The following NAV2 variants were observed in gnomAD, a reference collection of about 807,000 sequenced individuals.
NAV2 encodes helicase, APC down-regulated 1.
NAV2 carries 54 observed loss-of-function variants against 223.2 expected under a neutral mutation model. The ratio of observed to expected loss-of-function variants is 0.24; its 90% CI spans 0.19 to 0.30. The LOEUF is 0.30. NAV2 is among the 10% of genes least tolerant of loss of function. The probability of loss-of-function intolerance (pLI) is 1.00; values close to 1 mark genes in which losing one functional copy is unlikely to be tolerated. For synonymous variants in NAV2, 1,279 were observed against 1,239.3 expected (o/e 1.03, Z -0.67); for missense variants, 2,806 against 3,147.5 (o/e 0.89, Z 2.60).
chr11:19,905,108 C>G (rs1320940379), intron 6 of NAV2, among the ~76,000 whole-genome samples: 1 of 152,138 alleles, frequency 6.6e-6, no homozygotes, highest in African/African-American at 2.4e-5. Context: ...TACTTGTACT[C>G]TAGGATTCAT....
At chr11:20,095,854 C>T in intron 30 of NAV2, 87 bp downstream of exon 30, 1 of 966,352 alleles carries the variant, frequency 1.0e-6, no homozygotes, top group South Asian at 1.3e-5. Context: ...ATGTCCTGAG[C>T]TTGGCCATTT....
intron 32 of NAV2, 87 bp downstream of exon 32, chr11:20,101,259 T>C: frequency 9.4e-7 from 1 of 1,062,892 alleles, no homozygotes; most frequent in South Asian, 1.5e-5. Flanking sequence ...AAGCAGCATT[T>C]CCTATCAACA....
At chr11:19,752,296 A>G (rs1171334500) in intron 1 of NAV2, among the ~76,000 whole-genome samples, 2 of 152,174 alleles carry the variant, frequency 1.3e-5, no homozygotes, top group East Asian at 1.9e-4. Context: ...GTACCTGTGC[A>G]CTTATTTTCA....
At chr11:20,040,519 C>T (rs1591793440) in intron 12 of NAV2, among the ~76,000 whole-genome samples, 1 of 152,214 alleles carries the variant, frequency 6.6e-6, no homozygotes, top group East Asian at 1.9e-4. Flanking sequence ...GTGGCAGCAC[C>T]GAACACTTGA....
chr11:19,777,101 C>T (rs1458366269), intron 1 of NAV2, among the ~76,000 whole-genome samples: 1 of 150,706 alleles, frequency 6.6e-6, no homozygotes, highest in Non-Finnish European at 1.5e-5. Flanking sequence ...CGACCCCCCC[C>T]CCCACCCCGC....
rs564431665 is a variant in NAV2 at position 19,604,138 on chromosome 11, T to C, written c.76-228346T>C. 2.2e-4 allele frequency among the ~76,000 whole-genome samples: 33 copies of C among 152,228 alleles called. 1 individual carries two copies. The South Asian group carries it at 6.2e-3, about 29-fold the overall frequency. ...ACTTTGGCTTTTACTGTGAGTGAGA[T>C]AGGGGGCTTTGGAGGGTTTTAAGCA... On this transcript the variant is annotated intron_variant, in intron 1 of 37. Transcript: ENST00000360655.
At chr11:20,059,562 G>T (rs1384800162) in intron 19 of NAV2, among the ~76,000 whole-genome samples, 2 of 151,888 alleles carry the variant, frequency 1.3e-5, no homozygotes, top group African/African-American at 4.8e-5. Flanking sequence ...CATTCTAAAA[G>T]ACACCAAAAG....
chr11:20,067,427 C>CA (rs1487193979), intron 20 of NAV2, among the ~76,000 whole-genome samples: 2 of 152,044 alleles, frequency 1.3e-5, no homozygotes, highest in Non-Finnish European at 2.9e-5. Context: ...AGATTAACAA[C>CA]AAAATTTTTT....
chr11:20,020,758 A>G (rs983380370), intron 11 of NAV2, among the ~76,000 whole-genome samples: 3 of 152,096 alleles, frequency 2.0e-5, no homozygotes, highest in Admixed American at 6.5e-5. Flanking sequence ...TAAACCTCCA[A>G]TGTATCCTCT....
At chr11:19,625,863 C>G (rs145291066) in intron 1 of NAV2, among the ~76,000 whole-genome samples, 235 of 152,042 alleles carry the variant, frequency 1.5e-3, no homozygotes, top group African/African-American at 5.4e-3. Context: ...TGAGAAATGT[C>G]TGTCCAGATC....
chr11:19,994,847 G>A (rs1002500945), intron 11 of NAV2, among the ~76,000 whole-genome samples: 7 of 152,188 alleles, frequency 4.6e-5, no homozygotes, highest in South Asian at 4.1e-4. Flanking sequence ...CAATGTCAAG[G>A]TTGGGTTTGT....
At position 20,045,082 on chromosome 11, in the gene NAV2, C is replaced by T; in HGVS notation, c.3314C>T (p.Pro1105Leu). The T allele has an allele frequency of 1.2e-6, 2 of 1,614,152 alleles. No homozygotes were observed. Among genetic ancestry groups the T allele is most frequent in the Non-Finnish European group, 8.5e-7 (1 of 1,180,016 alleles). Residue 1105 changes from proline (P) to leucine (L), a missense_variant, in exon 14 of 38, where the codon CCC becomes CTC. By Grantham distance (98) the Pro-to-Leu change is moderately conservative. This residue lies in a region of NAV2 where 742 missense variants were observed against 777.9 expected (regional missense o/e 0.95). Coordinates refer to ENST00000349880, the MANE Select transcript of NAV2 (RefSeq NM_145117.5). ...GRSSGDESKK[P>L]LPSSSRTPTA... ...AGCAGTGGTGACGAATCCAAAAAGC[C>T]CCTCCCCAGCAGCTCTAGGACACCT...
chr11:20,057,089 T>C (rs2058408456), intron 19 of NAV2, among the ~76,000 whole-genome samples: 2 of 152,138 alleles, frequency 1.3e-5, no homozygotes, highest in African/African-American at 2.4e-5. Context: ...TGTCCCTTTG[T>C]TGCCATTGAA....
At chr11:19,711,132 T>C (rs2049853435), upstream of NAV2, 1 of 152,214 alleles carries the variant, frequency 6.6e-6, no homozygotes, top group Admixed American at 6.5e-5. Context: ...GACAGGGCCG[T>C]GCATTTCAGC....
chr11:19,984,176 C>T lies in NAV2; in HGVS notation c.2697C>T (p.Leu899=). The T allele has an allele frequency of 6.2e-7, 1 of 1,614,158 alleles. No individual in the cohort carries two copies. The highest frequency in any genetic ancestry group is 1.1e-5 in the South Asian group (1 of 91,072). ...LGLYTRRLNR[L]PDGMAVVRET... ...TCTATACCCGTCGCCTGAACCGGCTCCCTGATGGGATGGCTGTGGTACGGG... is the reference window on the plus strand; with the variant it reads ...TCTATACCCGTCGCCTGAACCGGCTTCCTGATGGGATGGCTGTGGTACGGG... The change falls in exon 11 of 38, where the codon CTC becomes CTT. Residue 899 remains leucine, a synonymous_variant. Coordinates refer to ENST00000349880, the MANE Select transcript of NAV2 (RefSeq NM_145117.5).
At chr11:19,819,464 A>T (rs548725193) in intron 1 of NAV2, among the ~76,000 whole-genome samples, 2 of 152,254 alleles carry the variant, frequency 1.3e-5, no homozygotes, top group South Asian at 4.1e-4. Flanking sequence ...CTGAACTCCC[A>T]GTTCACACAG....
At chr11:19,695,887 T>TAATAA (rs10522565) in intron 1 of NAV2, among the ~76,000 whole-genome samples, 1,872 of 52,860 alleles carry the variant, frequency 0.035, 47 homozygotes, top group Middle Eastern at 0.081. Context: ...CTGGATGAAA[T>TAATAA]AATAAAATAA....
At chr11:20,105,265 T>A in intron 34 of NAV2, 1 of 356,054 alleles carries the variant, frequency 2.8e-6, no homozygotes, top group Non-Finnish European at 5.1e-6. Flanking sequence ...AGCTGTTTGA[T>A]CCTGGAAAAG....
intron 1 of NAV2, among the ~76,000 whole-genome samples, chr11:19,565,583 C>T (rs1205258251): frequency 6.6e-6 from 1 of 152,210 alleles, no homozygotes; most frequent in Non-Finnish European, 1.5e-5. Context: ...TTAACCACCC[C>T]TTTCATAGGT....
Sources: allele counts gnomAD v4.1 joint callset (sites outside exome capture counted in the v4.1 genomes callset), GRCh38; gene constraint gnomAD v4.1.1; regional missense constraint gnomAD v4.1.1; transcripts MANE v1.5; gene names NCBI Gene and HGNC (gene_info 2026-07-23, HGNC 2026-07-21).